PPP2R2C: variants seen among roughly 807,000 people sequenced by gnomAD.
PPP2R2C encodes the protein protein phosphatase 2, regulatory subunit B, gamma.
In PPP2R2C, 10 loss-of-function variants were observed where a neutral mutation model predicts 45.3. The observed-to-expected ratio is 0.22, with a 90% CI of 0.14 to 0.37. The LOEUF is 0.37. Among genes scored for constraint, PPP2R2C ranks in the 10% least tolerant of loss-of-function variants. PPP2R2C has a pLI of 1.00. For synonymous variants in PPP2R2C, 257 were observed against 245.4 expected (o/e 1.05, Z -0.44); for missense variants, 308 against 619.7 (o/e 0.50, Z 5.34).
rs1184314746 is a variant in PPP2R2C, at chr4:6,364,802, A to G, written c.625+7721T>C. 3.3e-5 allele frequency among the ~76,000 whole-genome samples: 5 copies of G among 152,184 alleles called. No homozygotes were observed. The East Asian group carries it at 9.6e-4, about 29-fold the overall frequency. On this transcript the variant is annotated intron_variant, in intron 5 of 8. Transcript: ENST00000382599. The surrounding 1 kb of genome is among the most constrained non-coding windows in gnomAD (Gnocchi z 5.3). ...AAGAAGGGAGGCCAGTCAGGTCACC[A>G]TCATGATCAGAGTGAGACAGTGGCC...
chr4:6,429,939 C>G (rs79990408), intron 1 of PPP2R2C, among the ~76,000 whole-genome samples: 1,633 of 152,212 alleles, frequency 0.011, 28 homozygotes, highest in African/African-American at 0.037. Context: ...TTCTACTGAA[C>G]ACAAGGCCCA....
chr4:6,481,733 C>T (rs560550604), intron 2 of PPP2R2C, among the ~76,000 whole-genome samples: 30 of 152,172 alleles, frequency 2.0e-4, no homozygotes, highest in African/African-American at 6.7e-4. Flanking sequence ...AATCCCAACA[C>T]TTTGGGAGGC....
chr4:6,516,359 C>T (rs930979609), intron 2 of PPP2R2C, among the ~76,000 whole-genome samples: 3 of 152,208 alleles, frequency 2.0e-5, no homozygotes, highest in Admixed American at 1.3e-4. Flanking sequence ...CAGCAAATTC[C>T]TGCCCGTTGC....
At chr4:6,525,961 C>G (rs962099847) in intron 2 of PPP2R2C, among the ~76,000 whole-genome samples, 2 of 152,222 alleles carry the variant, frequency 1.3e-5, no homozygotes, top group African/African-American at 4.8e-5. Context: ...CTCAGCCTCC[C>G]AAAGTGCTGG....
At chr4:6,344,633 C>T (rs1476162416) in intron 6 of PPP2R2C, among the ~76,000 whole-genome samples, 4 of 152,114 alleles carry the variant, frequency 2.6e-5, no homozygotes, top group Non-Finnish European at 5.9e-5. Context: ...AAGTTCAAAT[C>T]CATCATGAAA....
intron 5 of PPP2R2C, among the ~76,000 whole-genome samples, chr4:6,365,265 G>A (rs1405084300): frequency 2.0e-5 from 3 of 152,182 alleles, no homozygotes; most frequent in Non-Finnish European, 4.4e-5. Context: ...GAACCCAGGG[G>A]TCCAGACTCC....
chr4:6,430,236 C>G (rs1047880322), intron 1 of PPP2R2C, among the ~76,000 whole-genome samples: 3 of 152,210 alleles, frequency 2.0e-5, no homozygotes, highest in Non-Finnish European at 4.4e-5. Flanking sequence ...CCTGCACTGT[C>G]CTGCCTGACC....
chr4:6,452,096 T>C (rs1396804390), intron 1 of PPP2R2C, among the ~76,000 whole-genome samples: 1 of 151,594 alleles, frequency 6.6e-6, no homozygotes, highest in Non-Finnish European at 1.5e-5. Context: ...TGTGGGGAGG[T>C]TGGGGAGGAC....
At chr4:6,376,000 T>C in intron 3 of PPP2R2C, 69 bp from the exon 4 acceptor site, 1 of 1,346,910 alleles carries the variant, frequency 7.4e-7, no homozygotes, top group Non-Finnish European at 1.0e-6. Flanking sequence ...AGATCCACTT[T>C]AGAAGGTGAA....
Position 6,332,107 on chromosome 4 carries a change from C to T in PPP2R2C, c.960+1455G>A, listed in dbSNP as rs186088263. 6.6e-6 allele frequency among the ~76,000 whole-genome samples: 1 copy of T among 152,316 alleles called. No individual in the cohort carries two copies. The highest frequency in any genetic ancestry group is 6.5e-5 in the Admixed American group (1 of 15,308). The stretch of plus-strand genomic sequence containing the variant: ...CTGTGTCCCCCTCCCCCTGAAAATG[C>T]TCATAGAACACATTCCACGTAGTTT... On this transcript the variant is annotated intron_variant, in intron 7 of 8. Transcript: ENST00000382599. This position sits in a 1 kb window ranked among gnomAD's most constrained non-coding sequence, Gnocchi z 4.9.
intron 5 of PPP2R2C, among the ~76,000 whole-genome samples, chr4:6,358,972 T>G (rs1713485468): frequency 6.6e-6 from 1 of 152,222 alleles, no homozygotes; most frequent in Non-Finnish European, 1.5e-5. Context: ...AAATACCATT[T>G]GACCCAGCAA....
intron 1 of PPP2R2C, among the ~76,000 whole-genome samples, chr4:6,543,866 G>A (rs150271968): frequency 1.3e-5 from 2 of 152,258 alleles, no homozygotes; most frequent in East Asian, 1.9e-4. Flanking sequence ...TGGTAAAGCC[G>A]AGCATGTTTC....
At chr4:6,469,882 G>A (rs527547169) in intron 1 of PPP2R2C, among the ~76,000 whole-genome samples, 22 of 152,328 alleles carry the variant, frequency 1.4e-4, no homozygotes, top group African/African-American at 5.3e-4. Context: ...CCTGCTCTCT[G>A]CATCCGCAGC....
intron 5 of PPP2R2C, among the ~76,000 whole-genome samples, chr4:6,357,314 C>T (rs983302567): frequency 6.6e-6 from 1 of 152,182 alleles, no homozygotes; most frequent in South Asian, 2.1e-4. Flanking sequence ...GGCTTCAGCC[C>T]CCCATGTCTT....
At chr4:6,370,858 A>G (rs954078727) in intron 5 of PPP2R2C, among the ~76,000 whole-genome samples, 27 of 152,218 alleles carry the variant, frequency 1.8e-4, no homozygotes, top group Admixed American at 8.5e-4. Flanking sequence ...AGGGTCAGAC[A>G]GATGTCCAGC....
At chr4:6,385,562 CTTTTA>C (rs1333991194) in intron 1 of PPP2R2C, among the ~76,000 whole-genome samples, 1 of 151,966 alleles carries the variant, frequency 6.6e-6, no homozygotes, top group South Asian at 2.1e-4. Flanking sequence ...CAACTGCAGG[CTTTTA>C]TTTTATTTAT....
chr4:6,387,503 G>A (rs1188976416), intron 1 of PPP2R2C, among the ~76,000 whole-genome samples: 1 of 152,106 alleles, frequency 6.6e-6, no homozygotes, highest in East Asian at 1.9e-4. Flanking sequence ...GAATTCAGTC[G>A]AAATATTCGT....
chr4:6,360,744 G>C (rs1479415841), intron 5 of PPP2R2C, among the ~76,000 whole-genome samples: 1 of 152,218 alleles, frequency 6.6e-6, no homozygotes, highest in East Asian at 1.9e-4. Context: ...GATCCTACAG[G>C]AGGATTCCTG....
chr4:6,465,519 G>A (rs1363073403), intron 1 of PPP2R2C, among the ~76,000 whole-genome samples: 3 of 152,096 alleles, frequency 2.0e-5, no homozygotes, highest in African/African-American at 7.2e-5. Context: ...TGGGGCACAG[G>A]GAAAAATGAA....
Sources: allele counts gnomAD v4.1 joint callset (sites outside exome capture counted in the v4.1 genomes callset), GRCh38; gene constraint gnomAD v4.1.1; non-coding constraint Gnocchi (gnomAD v3.1); transcripts MANE v1.5; gene names NCBI Gene and HGNC (gene_info 2026-07-23, HGNC 2026-07-21).